The following PCSK6 variants were observed in gnomAD, a reference collection of about 807,000 sequenced individuals.
PCSK6 encodes proprotein convertase subtilisin/kexin type 6.
Under a neutral mutation model 123.3 loss-of-function variants are expected in PCSK6, and 85 were observed. That is an observed-to-expected ratio of 0.69 (90% CI 0.58 to 0.83). PCSK6 has a LOEUF of 0.83. PCSK6 is among the 40% of genes least tolerant of loss of function. PCSK6 has a pLI of 0.00. For synonymous variants in PCSK6, 508 were observed against 516.0 expected (o/e 0.98, Z 0.21); for missense variants, 1,191 against 1,282.3 (o/e 0.93, Z 1.09).
At chr15:101,438,020 G>A (rs2141137278) in intron 2 of PCSK6, among the ~76,000 whole-genome samples, 1 of 152,292 alleles carries the variant, frequency 6.6e-6, no homozygotes, top group East Asian at 1.9e-4. Context: ...TTAGGACAGA[G>A]CCACTCGCAG....
chr15:101,354,642 C>G (rs1200056682), intron 13 of PCSK6, among the ~76,000 whole-genome samples: 1 of 152,242 alleles, frequency 6.6e-6, no homozygotes, highest in Admixed American at 6.5e-5. Context: ...GTTTCCCATA[C>G]ATGTGCTTTT....
chr15:101,427,605 A>T (rs1333943176), intron 6 of PCSK6, among the ~76,000 whole-genome samples: 4 of 152,220 alleles, frequency 2.6e-5, no homozygotes, highest in South Asian at 2.1e-4. Flanking sequence ...GACTTCTAGG[A>T]GTCAGCAGCC....
intron 15 of PCSK6, among the ~76,000 whole-genome samples, chr15:101,327,064 G>A (rs538828074): frequency 1.3e-5 from 2 of 152,178 alleles, no homozygotes; most frequent in Non-Finnish European, 2.9e-5. Context: ...GTGGGGCAGG[G>A]ACACAGCTAG....
intron 6 of PCSK6, among the ~76,000 whole-genome samples, chr15:101,409,690 G>A (rs549197501): frequency 1.1e-4 from 16 of 152,176 alleles, no homozygotes; most frequent in Non-Finnish European, 2.1e-4. Context: ...ATCAGCACAC[G>A]TGAGGAACTT....
chr15:101,414,239 T>G (rs1248960520), intron 6 of PCSK6, among the ~76,000 whole-genome samples: 1 of 152,162 alleles, frequency 6.6e-6, no homozygotes, highest in Admixed American at 6.5e-5. Context: ...CTTCAAGGAC[T>G]CAGAAAATTT....
chr15:101,420,023 C>T (rs2056028054), intron 6 of PCSK6, among the ~76,000 whole-genome samples: 1 of 151,670 alleles, frequency 6.6e-6, no homozygotes, highest in Non-Finnish European at 1.5e-5. Flanking sequence ...ACCGTCTTTA[C>T]ATAAAAAATA....
chr15:101,370,543 TC>T lies in PCSK6; in HGVS notation c.1533-21del, dbSNP rs1174935923. 1 of 1,427,800 alleles carries T rather than the reference TC, an allele frequency of 7.0e-7. No individual in the cohort carries two copies. The highest frequency in any genetic ancestry group is 1.5e-5 in the South Asian group (1 of 65,244). 88.4% of individuals were successfully genotyped at this position (1,427,800 alleles called of 1,614,324 possible). On this transcript the variant is annotated intron_variant, in intron 11 of 21. Transcript: ENST00000611716. ...ATGCTCCTGGGGGAGAAGGGAGGGC[TC>T]AGCACTTGGCACCGGAAGCATGAAG...
In PCSK6 at chr15:101,324,970, AC is replaced by A. The variant is rs2040215521; in HGVS notation, c.2256del (p.Cys753ValfsTer25). On this transcript the variant is annotated frameshift_variant, in exon 17 of 22. Coordinates refer to ENST00000611716, the MANE Select transcript of PCSK6 (RefSeq NM_002570.5). LOFTEE classifies it high-confidence loss of function. ...GCAGCTCTGCTGGAGCAGGTCTCACACCCCTTGTGGCACCGGCGACAGCGTC... is the reference window on the plus strand; with the variant it reads ...GCAGCTCTGCTGGAGCAGGTCTCACACCCTTGTGGCACCGGCGACAGCGTC... ...AARRCRRCHK[G>X]CETCSSRAAT... 2 of 1,613,072 alleles carry A rather than the reference AC, an allele frequency of 1.2e-6. No homozygotes were observed. The highest frequency in any genetic ancestry group is 1.7e-6 in the Non-Finnish European group (2 of 1,179,856).
In PCSK6 at chr15:101,304,698, A is replaced by G. The variant is rs2141323936; in HGVS notation, c.*560T>C. ...AGTAGCTGACTATGTAGAAATAGAT[A>G]CTCCGGCCCCAGTGGTCATACATTT... On this transcript the variant is annotated 3_prime_UTR_variant, in exon 22 of 22. Coordinates refer to ENST00000611716, the MANE Select transcript of PCSK6 (RefSeq NM_002570.5). 1 of 152,358 alleles carries G rather than the reference A, an allele frequency of 6.6e-6. No individual in the cohort carries two copies. Among genetic ancestry groups the G allele is most frequent in the East Asian group, 1.9e-4 (1 of 5,168 alleles). The allele number at this position is 152,358 out of a possible 1,614,324, so 9.4% of individuals were successfully genotyped here. A position where few individuals can be genotyped will look rare whatever the true frequency, so the allele number is the denominator to read the frequency against.
chr15:101,388,630 C>G (rs574545838), intron 9 of PCSK6, among the ~76,000 whole-genome samples: 1 of 152,294 alleles, frequency 6.6e-6, no homozygotes, highest in African/African-American at 2.4e-5. Context: ...TGGACTCTGG[C>G]CCAGCCAGCC....
chr15:101,395,456 C>T (rs762618759), intron 7 of PCSK6, among the ~76,000 whole-genome samples: 1 of 152,214 alleles, frequency 6.6e-6, no homozygotes, highest in South Asian at 2.1e-4. Flanking sequence ...TACTATGAGA[C>T]CAACCCATCC....
intron 13 of PCSK6, among the ~76,000 whole-genome samples, chr15:101,359,074 C>T (rs988656501): frequency 3.9e-5 from 6 of 152,146 alleles, no homozygotes; most frequent in South Asian, 2.1e-4. Flanking sequence ...GAGGGCTTGC[C>T]GTGCGTCAGC....
At chr15:101,412,808 TGTCACTA>T (rs1435885166) in intron 6 of PCSK6, among the ~76,000 whole-genome samples, 1 of 151,754 alleles carries the variant, frequency 6.6e-6, no homozygotes, top group African/African-American at 2.4e-5. Context: ...CTAAACTTCA[TGTCACTA>T]GAGTGGACAG....
At chr15:101,363,918 A>G (rs1010004130) in intron 13 of PCSK6, among the ~76,000 whole-genome samples, 1 of 151,966 alleles carries the variant, frequency 6.6e-6, no homozygotes, top group Non-Finnish European at 1.5e-5. Context: ...GATTACAGGC[A>G]TGAGCCACCG....
At chr15:101,379,009 G>A (rs1468895987) in intron 11 of PCSK6, among the ~76,000 whole-genome samples, 1 of 152,264 alleles carries the variant, frequency 6.6e-6, no homozygotes, top group African/African-American at 2.4e-5. Context: ...GGCAGGCGGG[G>A]CTGTGATGCC....
At chr15:101,340,950 T>TC (rs1266679154) in intron 13 of PCSK6, among the ~76,000 whole-genome samples, 3 of 151,658 alleles carry the variant, frequency 2.0e-5, no homozygotes, top group Non-Finnish European at 4.4e-5. Context: ...CCCAAATTTT[T>TC]TTTTTTTTTT....
At chr15:101,348,256 G>C (rs754686554) in intron 13 of PCSK6, among the ~76,000 whole-genome samples, 3 of 152,244 alleles carry the variant, frequency 2.0e-5, no homozygotes, top group South Asian at 2.1e-4. Flanking sequence ...GGGGAGGCTG[G>C]GGGAGCCGAG....
chr15:101,353,448 G>T (rs1199154721), intron 13 of PCSK6, among the ~76,000 whole-genome samples: 1 of 152,088 alleles, frequency 6.6e-6, no homozygotes, highest in East Asian at 1.9e-4. Context: ...CATGGACCAT[G>T]GACCGGTAGG....
chr15:101,364,535 T>C (rs568380206), intron 13 of PCSK6, among the ~76,000 whole-genome samples: 163 of 152,048 alleles, frequency 1.1e-3, no homozygotes, highest in African/African-American at 3.8e-3. Context: ...AAAAGAAAAA[T>C]TAAGAAAACC....
Sources: allele counts gnomAD v4.1 joint callset (sites outside exome capture counted in the v4.1 genomes callset), GRCh38; gene constraint gnomAD v4.1.1; transcripts MANE v1.5; gene names NCBI Gene and HGNC (gene_info 2026-07-23, HGNC 2026-07-21).